The following SCAMP1 variants were observed in gnomAD, a reference collection of about 807,000 sequenced individuals.
SCAMP1 encodes secretory carrier-associated membrane protein 1.
In SCAMP1, 15 loss-of-function variants were observed where a neutral mutation model predicts 41.8. The observed-to-expected ratio is 0.36, with a 90% CI of 0.24 to 0.55. SCAMP1 has a LOEUF of 0.55. SCAMP1 is among the 20% of genes least tolerant of loss of function. The pLI is 0.86. For synonymous variants in SCAMP1, 135 were observed against 136.8 expected, an observed-to-expected ratio of 0.99 and a Z score of 0.09; for missense variants, 341 against 412.6, an observed-to-expected ratio of 0.83 and a Z score of 1.50.
chr5:78,385,784 T>C (rs1355843659), intron 1 of SCAMP1, among the ~76,000 whole-genome samples: 1 of 152,186 alleles, frequency 6.6e-6, no homozygotes, highest in Non-Finnish European at 1.5e-5. Context: ...TGATTTCCAA[T>C]TTTATTCCAC....
chr5:78,434,484 C>T (rs919890314), intron 6 of SCAMP1, among the ~76,000 whole-genome samples: 1 of 152,120 alleles, frequency 6.6e-6, no homozygotes, highest in Non-Finnish European at 1.5e-5. Context: ...CCTTCTTAGA[C>T]ACAGATACAT....
intron 1 of SCAMP1, among the ~76,000 whole-genome samples, chr5:78,381,691 C>A (rs1751208997): frequency 6.6e-6 from 1 of 152,196 alleles, no homozygotes; most frequent in South Asian, 2.1e-4. Context: ...TTGAGCAAGA[C>A]TAAAGCCTTT....
At chr5:78,443,212 C>CAAAAAA (rs398051015) in intron 6 of SCAMP1, among the ~76,000 whole-genome samples, 2 of 66,054 alleles carry the variant, frequency 3.0e-5, no homozygotes, top group African/African-American at 1.2e-4. Context: ...GACTCTGTCT[C>CAAAAAA]AAAAAAAAAA....
intron 6 of SCAMP1, among the ~76,000 whole-genome samples, chr5:78,432,894 A>C (rs912041471): frequency 6.6e-6 from 1 of 151,984 alleles, no homozygotes; most frequent in Non-Finnish European, 1.5e-5. Flanking sequence ...ATATTGCCCC[A>C]TGTCTCTTAG....
At chr5:78,395,311 A>G (rs191544613) in intron 2 of SCAMP1, among the ~76,000 whole-genome samples, 95 of 152,154 alleles carry the variant, frequency 6.2e-4, no homozygotes, top group African/African-American at 2.2e-3. Context: ...TAACTCATGA[A>G]CCCCCGACCC....
In SCAMP1 at chr5:78,479,850, G is replaced by C. The variant is rs1754094778; in HGVS notation, c.*4182G>C. 6.6e-6 allele frequency among the ~76,000 whole-genome samples: 1 copy of C among 151,976 alleles called. No individual in the cohort carries two copies. The highest frequency in any genetic ancestry group is 2.1e-4 in the South Asian group (1 of 4,812). ...GAGGTCAGGAGATCGAAACCATCCT[G>C]GCTAACATGGTGAAACCCCATCTCT... On this transcript the variant is annotated 3_prime_UTR_variant, in exon 9 of 9. Coordinates refer to ENST00000621999, the MANE Select transcript of SCAMP1 (RefSeq NM_004866.6).
chr5:78,435,242 A>AT (rs1340914399), intron 6 of SCAMP1, among the ~76,000 whole-genome samples: 1 of 152,038 alleles, frequency 6.6e-6, no homozygotes, highest in African/African-American at 2.4e-5. Flanking sequence ...GTTTTTTTTA[A>AT]TTTTTTATTA....
In SCAMP1 at chr5:78,479,787, A is replaced by G. The variant is rs1401185487; in HGVS notation, c.*4119A>G. Among the ~76,000 whole-genome samples, 1 of 152,186 alleles carries G rather than the reference A, an allele frequency of 6.6e-6. No individual in the cohort carries two copies. The highest frequency in any genetic ancestry group is 1.5e-5 in the Non-Finnish European group (1 of 68,020). ...GCCAGGTGTGGTGGCTCACGCCTGT[A>G]ATCCCAGCACTTTGGGAGGCCAAGG... On this transcript the variant is annotated 3_prime_UTR_variant, in exon 9 of 9. Coordinates refer to ENST00000621999, the MANE Select transcript of SCAMP1 (RefSeq NM_004866.6).
chr5:78,428,904 G>T (rs78981033), intron 6 of SCAMP1, among the ~76,000 whole-genome samples: 3,020 of 151,880 alleles, frequency 0.02, 116 homozygotes, highest in African/African-American at 0.068. Flanking sequence ...TTCCTCTTTG[G>T]ATTGTTTGTT....
intron 6 of SCAMP1, among the ~76,000 whole-genome samples, chr5:78,431,654 G>C (rs1752627886): frequency 6.9e-6 from 1 of 144,246 alleles, no homozygotes; most frequent in South Asian, 2.2e-4. Context: ...TACAATATAT[G>C]TCTCTAATCA....
chr5:78,386,800 C>T (rs1230583497), intron 1 of SCAMP1, among the ~76,000 whole-genome samples: 1 of 152,150 alleles, frequency 6.6e-6, no homozygotes, highest in Admixed American at 6.5e-5. Flanking sequence ...GCTCTTCTAG[C>T]CTGTAGGATT....
chr5:78,415,847 A>G (rs1561267016), intron 3 of SCAMP1, among the ~76,000 whole-genome samples: 1 of 152,122 alleles, frequency 6.6e-6, no homozygotes, highest in Admixed American at 6.6e-5. Context: ...TTTATGTATC[A>G]TCTCAGTGGA....
chr5:78,388,094 A>G (rs183565926), intron 1 of SCAMP1, among the ~76,000 whole-genome samples: 2 of 152,232 alleles, frequency 1.3e-5, no homozygotes, highest in East Asian at 3.9e-4. Context: ...ATTCTCTCGG[A>G]TTTCCTGGTA....
intron 1 of SCAMP1, among the ~76,000 whole-genome samples, chr5:78,364,791 T>C (rs1750751132): frequency 6.7e-6 from 1 of 149,986 alleles, no homozygotes; most frequent in African/African-American, 2.5e-5. Context: ...TCAGACTCAG[T>C]TTACTCATCG....
intron 8 of SCAMP1, among the ~76,000 whole-genome samples, chr5:78,474,077 T>A (rs1753947857): frequency 6.6e-6 from 1 of 151,718 alleles, no homozygotes; most frequent in Non-Finnish European, 1.5e-5. Flanking sequence ...AAAAAAAAGT[T>A]CTTTTTGGAG....
At chr5:78,421,392 C>T (rs1399022486) in intron 5 of SCAMP1, among the ~76,000 whole-genome samples, 1 of 152,192 alleles carries the variant, frequency 6.6e-6, no homozygotes, top group Non-Finnish European at 1.5e-5. Context: ...GTTTAGTCTG[C>T]AGCCCCATTC....
At chr5:78,385,560 G>T (rs1200071479) in intron 1 of SCAMP1, among the ~76,000 whole-genome samples, 2 of 151,994 alleles carry the variant, frequency 1.3e-5, no homozygotes, top group Non-Finnish European at 2.9e-5. Flanking sequence ...TGCTGTTTCA[G>T]ACTTTTTGAT....
At chr5:78,464,017 C>T (rs536808621) in intron 8 of SCAMP1, among the ~76,000 whole-genome samples, 7 of 152,230 alleles carry the variant, frequency 4.6e-5, no homozygotes, top group Admixed American at 2.6e-4. Flanking sequence ...ATCTGTCTGT[C>T]GCCAGGCTGG....
intron 6 of SCAMP1, among the ~76,000 whole-genome samples, chr5:78,443,090 G>T (rs2112193172): frequency 6.6e-6 from 1 of 151,882 alleles, no homozygotes; most frequent in African/African-American, 2.4e-5. Context: ...GTGGGTGCCT[G>T]TAGTCCCAGC....
Sources: gnomAD v4.1 joint callset for allele counts (sites outside exome capture counted in the v4.1 genomes callset) on GRCh38, gnomAD v4.1.1 for gene constraint, MANE v1.5 for transcripts, NCBI Gene and HGNC (gene_info 2026-07-23, HGNC 2026-07-21) for gene names.